Variants in NCOA1 observed in about 807,000 individuals in gnomAD.
The protein encoded by NCOA1 is nuclear receptor coactivator 1, also known as Hin-2 protein.
Under a neutral mutation model 150.9 loss-of-function variants are expected in NCOA1, and 35 were observed. The ratio of observed to expected loss-of-function variants is 0.23; its 90% CI spans 0.18 to 0.31. NCOA1 has a LOEUF of 0.31. Among genes scored for constraint, NCOA1 ranks in the 10% least tolerant of loss-of-function variants. The pLI is 1.00. For synonymous variants in NCOA1, 590 were observed against 630.0 expected, an observed-to-expected ratio of 0.94 and a Z score of 0.95; for missense variants, 1,491 against 1,749.3, an observed-to-expected ratio of 0.85 and a Z score of 2.63.
chr2:24,762,706 G>A lies in NCOA1; in HGVS notation c.4085G>A (p.Arg1362Lys), dbSNP rs200987184. 2 of 1,614,020 alleles carry A rather than the reference G, an allele frequency of 1.2e-6. No individual in the cohort carries two copies. Among genetic ancestry groups the A allele is most frequent in the Admixed American group, 1.7e-5 (1 of 60,018 alleles). Residue 1362 changes from arginine to lysine, a missense_variant, in exon 22 of 23, where the codon AGA (arginine) becomes AAA (lysine). Around this residue, in one of 8 missense-constraint regions of NCOA1, gnomAD observed 485 missense variants for 522.8 expected, o/e 0.93. Coordinates refer to ENST00000348332, the MANE Select transcript of NCOA1 (RefSeq NM_003743.5). ...TAATAGATAAATGATCCCGCACTGAGACACACAGGCCTCTACTGCAACCAG... is the reference window on the plus strand; with the variant it reads ...TAATAGATAAATGATCCCGCACTGAAACACACAGGCCTCTACTGCAACCAG... The part of the protein sequence containing the change: ...CPEQINDPAL[R>K]HTGLYCNQLS...
intron 1 of NCOA1, among the ~76,000 whole-genome samples, chr2:24,512,589 A>G (rs556952272): frequency 6.6e-6 from 1 of 152,340 alleles, no homozygotes; most frequent in Non-Finnish European, 1.5e-5. Flanking sequence ...GTCTAAAATT[A>G]AACTTCACTT....
At chr2:24,752,246 CATT>C in intron 20 of NCOA1, 90 bp downstream of exon 20, 1 of 1,409,988 alleles carries the variant, frequency 7.1e-7, no homozygotes. Flanking sequence ...ACCTCAGGAA[CATT>C]ATGTAAAGTG....
chr2:24,719,123 T>C (rs1295407903), intron 14 of NCOA1, among the ~76,000 whole-genome samples: 1 of 149,674 alleles, frequency 6.7e-6, no homozygotes, highest in Non-Finnish European at 1.5e-5. Flanking sequence ...GAAACACTGC[T>C]CAGCAATGAA....
chr2:24,632,862 C>G (rs1380897984), intron 3 of NCOA1, among the ~76,000 whole-genome samples: 2 of 152,116 alleles, frequency 1.3e-5, no homozygotes, highest in Non-Finnish European at 2.9e-5. Context: ...TATGCCCTCA[C>G]AAAGAGCCTG....
At chr2:24,757,690 T>A (rs1022561157) in intron 20 of NCOA1, among the ~76,000 whole-genome samples, 2 of 152,158 alleles carry the variant, frequency 1.3e-5, no homozygotes, top group Non-Finnish European at 2.9e-5. Flanking sequence ...AAGATTTACT[T>A]ACATGGAAAA....
intron 3 of NCOA1, among the ~76,000 whole-genome samples, chr2:24,585,802 ATC>A (rs1307663281): frequency 1.3e-5 from 2 of 152,202 alleles, no homozygotes; most frequent in African/African-American, 4.8e-5. Flanking sequence ...TGATCTAATT[ATC>A]TGTCACAGCA....
At chr2:24,560,263 CT>C (rs1666245073) in intron 1 of NCOA1, among the ~76,000 whole-genome samples, 1 of 152,078 alleles carries the variant, frequency 6.6e-6, no homozygotes. Context: ...GTGGCCACTT[CT>C]TTTTCTGTGA....
chr2:24,626,579 T>G (rs563469480), intron 3 of NCOA1, among the ~76,000 whole-genome samples: 59 of 152,302 alleles, frequency 3.9e-4, no homozygotes, highest in Admixed American at 1.1e-3. Context: ...GTGTATTTAA[T>G]AGTGACTTTA....
At chr2:24,649,144 A>G (rs185158316) in intron 4 of NCOA1, among the ~76,000 whole-genome samples, 3 of 152,204 alleles carry the variant, frequency 2.0e-5, no homozygotes, top group South Asian at 2.1e-4. Flanking sequence ...AGCCAAGACC[A>G]CACTTGAATT....
chr2:24,677,218 C>T (rs1239090430), intron 7 of NCOA1, among the ~76,000 whole-genome samples: 1 of 152,074 alleles, frequency 6.6e-6, no homozygotes, highest in Admixed American at 6.5e-5. Flanking sequence ...GTGGCACATG[C>T]CTGTAATCCC....
intron 2 of NCOA1, among the ~76,000 whole-genome samples, chr2:24,574,212 A>G (rs1023561349): frequency 5.9e-5 from 9 of 152,132 alleles, no homozygotes; most frequent in Non-Finnish European, 1.0e-4. Context: ...AATACTATTT[A>G]TTAACTCTAA....
intron 14 of NCOA1, among the ~76,000 whole-genome samples, chr2:24,715,027 T>C (rs949697554): frequency 1.3e-4 from 20 of 152,060 alleles, no homozygotes; most frequent in African/African-American, 4.8e-4. Context: ...TAGAAAATGA[T>C]ATAAGATGAA....
intron 1 of NCOA1, among the ~76,000 whole-genome samples, chr2:24,552,944 T>C (rs1362400356): frequency 6.6e-6 from 1 of 152,176 alleles, no homozygotes; most frequent in Non-Finnish European, 1.5e-5. Context: ...AAAAAAACAG[T>C]TTTGTTTCCC....
chr2:24,650,355 A>G (rs1323809876), intron 4 of NCOA1, among the ~76,000 whole-genome samples: 3 of 152,320 alleles, frequency 2.0e-5, no homozygotes, highest in Non-Finnish European at 4.4e-5. Context: ...AAAAATAACA[A>G]TCAGTAGTAT....
At chr2:24,507,435 G>T (rs1354543431) in intron 1 of NCOA1, among the ~76,000 whole-genome samples, 98 of 126,506 alleles carry the variant, frequency 7.7e-4, no homozygotes, top group Non-Finnish European at 1.0e-3. Context: ...GAGCTGCTGG[G>T]TTTTTTTTTT....
intron 1 of NCOA1, among the ~76,000 whole-genome samples, chr2:24,502,090 A>G (rs1372818): frequency 0.049 from 7,454 of 152,086 alleles, 577 homozygotes; most frequent in African/African-American, 0.17. Context: ...GCTTTTATAT[A>G]TGTTATTTTC....
At chr2:24,567,177 C>G (rs1450407147) in intron 2 of NCOA1, among the ~76,000 whole-genome samples, 1 of 152,176 alleles carries the variant, frequency 6.6e-6, no homozygotes, top group Admixed American at 6.5e-5. Flanking sequence ...AAAATTATCT[C>G]AAATCAAGTA....
chr2:24,665,939 T>C, intron 6 of NCOA1, 24 bp downstream of exon 6: 1 of 1,381,798 alleles, frequency 7.2e-7, no homozygotes, highest in Non-Finnish European at 9.5e-7. Context: ...AGAAAACCCA[T>C]GGCTGTGTGC....
At chr2:24,682,264 C>T (rs1219978262) in intron 7 of NCOA1, among the ~76,000 whole-genome samples, 2 of 152,088 alleles carry the variant, frequency 1.3e-5, no homozygotes, top group Non-Finnish European at 2.9e-5. Flanking sequence ...AGTAAGGTGC[C>T]ACAGTCAACC....
Sources: gnomAD v4.1 joint callset for allele counts (sites outside exome capture counted in the v4.1 genomes callset) on GRCh38, gnomAD v4.1.1 for gene constraint, gnomAD v4.1.1 regional missense constraint, MANE v1.5 for transcripts, NCBI Gene and HGNC (gene_info 2026-07-23, HGNC 2026-07-21) for gene names.